The following PLXDC2 variants were observed in gnomAD, a reference collection of about 807,000 sequenced individuals.
PLXDC2 encodes the protein plexin domain-containing protein 2.
A neutral mutation model predicts 68.9 loss-of-function variants in PLXDC2; 40 were observed. The observed-to-expected ratio is 0.58, with a 90% CI of 0.45 to 0.76. The LOEUF (loss-of-function observed/expected upper bound fraction) is 0.76. Among genes scored for constraint, PLXDC2 ranks in the 30% least tolerant of loss-of-function variants. The pLI, the probability that PLXDC2 is intolerant of heterozygous loss-of-function variation, is 0.00. For missense variants in PLXDC2, 644 were observed against 661.9 expected (o/e 0.97, Z 0.30); for synonymous variants, 243 against 234.2 (o/e 1.04, Z -0.34).
intron 1 of PLXDC2, among the ~76,000 whole-genome samples, chr10:19,968,289 G>A (rs577732066): frequency 2.0e-5 from 3 of 152,196 alleles, no homozygotes; most frequent in Admixed American, 1.3e-4. Flanking sequence ...GATTAAATAC[G>A]ATGACCTCAC....
chr10:20,094,393 T>C (rs1833320864), intron 4 of PLXDC2, among the ~76,000 whole-genome samples: 1 of 152,150 alleles, frequency 6.6e-6, no homozygotes, highest in Non-Finnish European at 1.5e-5. Flanking sequence ...TTTTCACTAA[T>C]ACACAACCTC....
intron 1 of PLXDC2, among the ~76,000 whole-genome samples, chr10:19,958,707 G>A (rs1309068710): frequency 2.0e-5 from 3 of 152,138 alleles, no homozygotes; most frequent in Non-Finnish European, 4.4e-5. Flanking sequence ...GTCTGGGGAA[G>A]GGATTTTGTT....
rs570429356 is a variant in PLXDC2 at position 19,886,687 on chromosome 10, T to C, written c.112+69496T>C. On this transcript the variant is annotated intron_variant, in intron 1 of 13. Transcript: ENST00000377252. ...AATATCATACTGAATGGGCAAAAACTGGAAGCATTCCCTTTGAAAACTGGC... is the reference window on the plus strand; with the variant it reads ...AATATCATACTGAATGGGCAAAAACCGGAAGCATTCCCTTTGAAAACTGGC... Among the ~76,000 whole-genome samples, 7 of 152,276 alleles carry C rather than the reference T, an allele frequency of 4.6e-5. No individual in the cohort carries two copies. The East Asian group carries it at 1.4e-3, about 29-fold the overall frequency.
intron 1 of PLXDC2, among the ~76,000 whole-genome samples, chr10:19,983,029 C>T (rs970349097): frequency 6.6e-6 from 1 of 151,996 alleles, no homozygotes; most frequent in African/African-American, 2.4e-5. Flanking sequence ...CTTTTTACAC[C>T]ATTTATATGT....
intron 12 of PLXDC2, among the ~76,000 whole-genome samples, chr10:20,243,181 A>C (rs868378504): frequency 1.4e-4 from 21 of 152,196 alleles, no homozygotes; most frequent in Non-Finnish European, 1.0e-4. Flanking sequence ...TCCAGAATTC[A>C]GACTTGGAGG....
intron 1 of PLXDC2, among the ~76,000 whole-genome samples, chr10:19,852,425 CAAAAAAAAAAAAAAAAA>C (rs61430454): frequency 6.5e-4 from 40 of 61,928 alleles, no homozygotes; most frequent in South Asian, 3.8e-3. Context: ...GACCCTGTCT[CAAAAAAAAAAAAAAAAA>C]AAAAAAAAAA....
chr10:19,867,963 G>A (rs1479519085), intron 1 of PLXDC2, among the ~76,000 whole-genome samples: 1 of 151,972 alleles, frequency 6.6e-6, no homozygotes, highest in Non-Finnish European at 1.5e-5. Context: ...AAAAATATTA[G>A]AAAGTTTCAA....
chr10:19,973,440 A>C (rs1209885662), intron 1 of PLXDC2, among the ~76,000 whole-genome samples: 1 of 151,424 alleles, frequency 6.6e-6, no homozygotes, highest in Non-Finnish European at 1.5e-5. Flanking sequence ...TATTGTCTTC[A>C]TTATTGTCAA....
At chr10:20,154,739 C>G (rs578006798) in intron 6 of PLXDC2, among the ~76,000 whole-genome samples, 1 of 151,948 alleles carries the variant, frequency 6.6e-6, no homozygotes, top group African/African-American at 2.4e-5. Flanking sequence ...TGGACACAAA[C>G]TATAGGTGGA....
chr10:20,092,331 C>T (rs376811192), intron 4 of PLXDC2, among the ~76,000 whole-genome samples: 10 of 152,200 alleles, frequency 6.6e-5, no homozygotes, highest in South Asian at 2.1e-4. Context: ...GAACAGTTAA[C>T]GTGAGGAAAT....
chr10:20,026,947 T>C (rs1176365219), intron 2 of PLXDC2, among the ~76,000 whole-genome samples: 5 of 18,900 alleles, frequency 2.6e-4, no homozygotes, highest in African/African-American at 9.0e-4. Context: ...TTTTATAATA[T>C]ATTCTAATAT....
At chr10:19,859,862 G>C (rs181345639) in intron 1 of PLXDC2, among the ~76,000 whole-genome samples, 2 of 152,174 alleles carry the variant, frequency 1.3e-5, no homozygotes, top group African/African-American at 4.8e-5. Context: ...CTCCCAAGTA[G>C]CTGGGATTAC....
intron 12 of PLXDC2, among the ~76,000 whole-genome samples, chr10:20,220,194 A>C (rs998684655): frequency 4.6e-5 from 7 of 152,196 alleles, no homozygotes; most frequent in African/African-American, 1.7e-4. Flanking sequence ...ATAGTTTTAG[A>C]AATGATCATC....
chr10:20,253,040 A>G (rs540716074), intron 13 of PLXDC2, among the ~76,000 whole-genome samples: 1 of 152,146 alleles, frequency 6.6e-6, no homozygotes, highest in South Asian at 2.1e-4. Flanking sequence ...AATAAAGTAA[A>G]TAAATAAAAA....
chr10:19,832,946 A>G (rs908758635), intron 1 of PLXDC2, among the ~76,000 whole-genome samples: 3 of 152,136 alleles, frequency 2.0e-5, no homozygotes, highest in African/African-American at 7.2e-5. Flanking sequence ...AAAAATATTA[A>G]CTCTCGAACC....
intron 2 of PLXDC2, among the ~76,000 whole-genome samples, chr10:20,003,451 G>A (rs1834975357): frequency 6.7e-6 from 1 of 148,774 alleles, no homozygotes; most frequent in Non-Finnish European, 1.5e-5. Flanking sequence ...TGTTTGTTTT[G>A]AGACTGAGTT....
At chr10:19,856,379 GACACACACAC>G (rs34129216) in intron 1 of PLXDC2, among the ~76,000 whole-genome samples, 7,502 of 144,198 alleles carry the variant, frequency 0.052, 214 homozygotes, top group Middle Eastern at 0.11. Flanking sequence ...CACACACACA[GACACACACAC>G]ACACACACAC....
chr10:20,072,377 TAAAG>T (rs1289414269), intron 4 of PLXDC2, among the ~76,000 whole-genome samples: 1 of 58,852 alleles, frequency 1.7e-5, no homozygotes, highest in Non-Finnish European at 3.8e-5. Flanking sequence ...TCAAAAAAAA[TAAAG>T]AGAGAAAGAG....
At chr10:19,832,776 C>G (rs1836719591) in intron 1 of PLXDC2, among the ~76,000 whole-genome samples, 1 of 152,118 alleles carries the variant, frequency 6.6e-6, no homozygotes. Context: ...CACAAGGGAG[C>G]CGGGGAAGAG....
Sources: gnomAD v4.1 joint callset for allele counts (sites outside exome capture counted in the v4.1 genomes callset) on GRCh38, gnomAD v4.1.1 for gene constraint, MANE v1.5 for transcripts, NCBI Gene and HGNC (gene_info 2026-07-23, HGNC 2026-07-21) for gene names.